RNF150: variants seen among roughly 807,000 people sequenced by gnomAD.
The protein encoded by RNF150 is ring finger protein 150.
In RNF150, 24 loss-of-function variants were observed where a neutral mutation model predicts 39.3. The ratio of observed to expected loss-of-function variants is 0.61; its 90% CI spans 0.44 to 0.86. The LOEUF is 0.86. Ranked by LOEUF, RNF150 falls within the 40% of genes least tolerant of loss-of-function variation. RNF150 has a pLI of 0.00. For missense variants in RNF150, 502 were observed against 587.8 expected, an observed-to-expected ratio of 0.85 and a Z score of 1.51; for synonymous variants, 255 against 227.3, an observed-to-expected ratio of 1.12 and a Z score of -1.10.
intron 1 of RNF150, among the ~76,000 whole-genome samples, chr4:141,045,306 T>A (rs1736530643): frequency 6.6e-6 from 1 of 152,220 alleles, no homozygotes; most frequent in East Asian, 1.9e-4. Flanking sequence ...TGATAAGTAC[T>A]GCAAAAACCA....
chr4:141,038,996 G>T (rs763678051), intron 1 of RNF150, among the ~76,000 whole-genome samples: 1 of 152,124 alleles, frequency 6.6e-6, no homozygotes, highest in Non-Finnish European at 1.5e-5. Context: ...CTGAGGTTAA[G>T]GTAACCGCCT....
chr4:141,181,166 T>C (rs1027935469), intron 1 of RNF150, among the ~76,000 whole-genome samples: 4 of 152,204 alleles, frequency 2.6e-5, no homozygotes, highest in Non-Finnish European at 5.9e-5. Flanking sequence ...ACTTTCTACT[T>C]GTGGTACTTG....
intron 1 of RNF150, among the ~76,000 whole-genome samples, chr4:141,178,999 C>T (rs1227891557): frequency 2.0e-5 from 3 of 152,008 alleles, no homozygotes; most frequent in Non-Finnish European, 4.4e-5. Flanking sequence ...ATTAGGATCC[C>T]ATTACATTTT....
intron 6 of RNF150, among the ~76,000 whole-genome samples, chr4:140,893,584 T>G (rs547704225): frequency 6.6e-6 from 1 of 152,312 alleles, no homozygotes; most frequent in East Asian, 1.9e-4. Context: ...AGGTACCTTT[T>G]AAGATCATTT....
chr4:140,930,038 G>A (rs1452995370), intron 4 of RNF150, among the ~76,000 whole-genome samples: 1 of 152,144 alleles, frequency 6.6e-6, no homozygotes, highest in African/African-American at 2.4e-5. Flanking sequence ...TTGTGTGCCT[G>A]TAATTCCAGC....
At chr4:140,916,486 G>T (rs1730836022) in intron 5 of RNF150, among the ~76,000 whole-genome samples, 1 of 152,128 alleles carries the variant, frequency 6.6e-6, no homozygotes, top group Non-Finnish European at 1.5e-5. Context: ...ATGAAGAGAA[G>T]TTTAGAGAAA....
intron 1 of RNF150, among the ~76,000 whole-genome samples, chr4:141,002,096 T>C (rs1297291519): frequency 6.6e-6 from 1 of 152,142 alleles, no homozygotes. Context: ...ATGGTATGAG[T>C]TCCCAATTTA....
At position 141,096,729 on chromosome 4, in the gene RNF150, T is replaced by A. The variant is rs6812069; in HGVS notation, c.484+35596A>T. Among the ~76,000 whole-genome samples the A allele has an allele frequency of 3.0e-3, 458 of 152,324 alleles. 2 individuals are homozygous for A. Among genetic ancestry groups the A allele is most frequent in the African/African-American group, 0.01 (432 of 41,566 alleles). On this transcript the variant is annotated intron_variant, in intron 1 of 6. Coordinates refer to ENST00000515673, the MANE Select transcript of RNF150 (RefSeq NM_020724.2). ...TGTGATCAAACAATCCCTCTTTTAT[T>A]TTTACTCTGAACAAGGTAACACAGT...
intron 6 of RNF150, among the ~76,000 whole-genome samples, chr4:140,881,444 A>G (rs1368906431): frequency 6.6e-6 from 1 of 152,178 alleles, no homozygotes; most frequent in Non-Finnish European, 1.5e-5. Context: ...GATTACAAGC[A>G]TGAGCCACCA....
At chr4:141,049,469 A>C (rs1736699101) in intron 1 of RNF150, among the ~76,000 whole-genome samples, 1 of 152,150 alleles carries the variant, frequency 6.6e-6, no homozygotes, top group Non-Finnish European at 1.5e-5. Context: ...AAAAATGGTT[A>C]CTATCAAAAC....
chr4:141,186,236 G>A (rs924054813), intron 1 of RNF150, among the ~76,000 whole-genome samples: 6 of 152,076 alleles, frequency 3.9e-5, no homozygotes, highest in Admixed American at 3.3e-4. Context: ...TCAAGGACTC[G>A]ACTTCTTCCT....
chr4:141,043,086 A>G (rs1293995814), intron 1 of RNF150, among the ~76,000 whole-genome samples: 1 of 152,170 alleles, frequency 6.6e-6, no homozygotes, highest in Non-Finnish European at 1.5e-5. Context: ...ATTGAAAAAT[A>G]TAATATGAAT....
intron 4 of RNF150, among the ~76,000 whole-genome samples, chr4:140,936,093 G>A (rs1731855018): frequency 6.6e-6 from 1 of 152,154 alleles, no homozygotes; most frequent in African/African-American, 2.4e-5. Flanking sequence ...AGATTCATCT[G>A]TGCCTTGGTG....
At chr4:141,143,625 C>A (rs1283706148) in intron 1 of RNF150, among the ~76,000 whole-genome samples, 3 of 152,196 alleles carry the variant, frequency 2.0e-5, no homozygotes, top group Non-Finnish European at 4.4e-5. Flanking sequence ...CGTAAATCCC[C>A]CACTTTAAGT....
intron 1 of RNF150, among the ~76,000 whole-genome samples, chr4:141,079,673 C>G (rs985099171): frequency 1.3e-5 from 2 of 152,242 alleles, no homozygotes; most frequent in African/African-American, 2.4e-5. Flanking sequence ...GGAGGTCAGA[C>G]AGACCTGACT....
At chr4:141,069,337 G>T (rs1397414702) in intron 1 of RNF150, among the ~76,000 whole-genome samples, 1 of 128,436 alleles carries the variant, frequency 7.8e-6, no homozygotes, top group Non-Finnish European at 1.6e-5. Flanking sequence ...TTTGTCTTTG[G>T]CTCTGTTTAT....
chr4:140,890,278 G>A (rs1264271399), intron 6 of RNF150, among the ~76,000 whole-genome samples: 2 of 152,076 alleles, frequency 1.3e-5, no homozygotes, highest in African/African-American at 4.8e-5. Context: ...AATTCGTTAT[G>A]TATTTAATTC....
intron 6 of RNF150, among the ~76,000 whole-genome samples, chr4:140,902,928 G>A (rs1170474389): frequency 6.6e-6 from 1 of 152,220 alleles, no homozygotes; most frequent in African/African-American, 2.4e-5. Flanking sequence ...AATGTGGCTC[G>A]GGGAGAAAGC....
In RNF150 at chr4:140,864,027, T is replaced by G. The variant is rs1210084621; in HGVS notation, c.*4234A>C. On this transcript the variant is annotated 3_prime_UTR_variant, in exon 7 of 7. Coordinates refer to ENST00000515673, the MANE Select transcript of RNF150 (RefSeq NM_020724.2). ...TCAGGGCAGTAACTGAAATGGCCAC[T>G]GGGCATGGTGAGCTTTGAAATGACC... The G allele has an allele frequency of 6.6e-6, 1 of 152,228 alleles. No homozygotes were observed. Among genetic ancestry groups the G allele is most frequent in the African/African-American group, 2.4e-5 (1 of 41,456 alleles). The allele number at this position is 152,228 out of a possible 1,614,324, so 9.4% of individuals were successfully genotyped here.
Sources: gnomAD v4.1 joint callset for allele counts (sites outside exome capture counted in the v4.1 genomes callset) on GRCh38, gnomAD v4.1.1 for gene constraint, MANE v1.5 for transcripts, NCBI Gene and HGNC (gene_info 2026-07-23, HGNC 2026-07-21) for gene names.